Variants in ADGRL2 observed in about 807,000 individuals in gnomAD.
ADGRL2 encodes adhesion G protein-coupled receptor L2.
In ADGRL2, 44 loss-of-function variants were observed where a neutral mutation model predicts 157.4. That is an observed-to-expected ratio of 0.28 (90% CI 0.22 to 0.36). The LOEUF (loss-of-function observed/expected upper bound fraction) is 0.36, where lower values mean the gene tolerates loss of function less well. Among genes scored for constraint, ADGRL2 ranks in the 10% least tolerant of loss-of-function variants. ADGRL2 has a pLI of 1.00. For synonymous variants in ADGRL2, 585 were observed against 624.7 expected, an observed-to-expected ratio of 0.94 and a Z score of 0.95; for missense variants, 1,510 against 1,768.9, an observed-to-expected ratio of 0.85 and a Z score of 2.63.
intron 1 of ADGRL2, among the ~76,000 whole-genome samples, chr1:81,757,326 T>G (rs923972291): frequency 6.6e-6 from 1 of 152,184 alleles, no homozygotes; most frequent in Admixed American, 6.6e-5. Context: ...AAACTAAATA[T>G]GGCCTGAGAG....
At chr1:81,912,023 C>G (rs557914989) in intron 3 of ADGRL2, among the ~76,000 whole-genome samples, 1 of 151,956 alleles carries the variant, frequency 6.6e-6, no homozygotes, top group South Asian at 2.1e-4. Flanking sequence ...TAGCACCTGA[C>G]TAGAACCTCA....
At chr1:81,842,353 CTT>C (rs71085377) in intron 2 of ADGRL2, among the ~76,000 whole-genome samples, 10 of 54,952 alleles carry the variant, frequency 1.8e-4, no homozygotes, top group African/African-American at 6.2e-4. Context: ...TCTTTTAGCG[CTT>C]TTTTTTTTTT....
rs577164976 is a variant in ADGRL2, at chr1:81,620,806, A to G, written c.-143+39826A>G. Among the ~76,000 whole-genome samples, 28 of 152,344 alleles carry G rather than the reference A, an allele frequency of 1.8e-4. No homozygotes were observed. The South Asian group carries it at 5.8e-3, about 32-fold the overall frequency. On this transcript the variant is annotated intron_variant, in intron 3 of 24. Transcript: ENST00000370721. ...GTAATATAGATAAGAAGATTTTCAA[A>G]TGTATAAGTTCAGGGTAGGAAGAAA...
intron 2 of ADGRL2, among the ~76,000 whole-genome samples, chr1:81,538,947 G>A (rs917520222): frequency 2.1e-5 from 3 of 142,864 alleles, no homozygotes; most frequent in East Asian, 2.2e-4. Flanking sequence ...GGCGGAAGTT[G>A]TACTGAGGTG....
chr1:81,883,222 C>T (rs2094032859), intron 2 of ADGRL2, among the ~76,000 whole-genome samples: 1 of 152,130 alleles, frequency 6.6e-6, no homozygotes, highest in African/African-American at 2.4e-5. Flanking sequence ...TGTGACAGAA[C>T]ATAAGCAGAG....
At chr1:81,615,911 G>A (rs891984896) in intron 3 of ADGRL2, among the ~76,000 whole-genome samples, 4 of 152,134 alleles carry the variant, frequency 2.6e-5, no homozygotes. Context: ...CTCAGAGGGT[G>A]ATTCTATTAT....
chr1:81,576,598 G>C (rs2080802070), intron 2 of ADGRL2, among the ~76,000 whole-genome samples: 1 of 152,068 alleles, frequency 6.6e-6, no homozygotes, highest in Admixed American at 6.6e-5. Flanking sequence ...GTCTTTGCTA[G>C]GTGCCAAAAA....
chr1:81,413,725 A>G (rs962235732), intron 1 of ADGRL2, among the ~76,000 whole-genome samples: 11 of 152,304 alleles, frequency 7.2e-5, no homozygotes, highest in Admixed American at 1.3e-4. Context: ...AGTTTATTAG[A>G]TTTCCTTTTA....
At chr1:81,565,262 C>T (rs907653617) in intron 2 of ADGRL2, among the ~76,000 whole-genome samples, 2 of 152,086 alleles carry the variant, frequency 1.3e-5, no homozygotes, top group African/African-American at 4.8e-5. Flanking sequence ...ATTTTGTTAA[C>T]TAGAAAGTGC....
intron 3 of ADGRL2, among the ~76,000 whole-genome samples, chr1:81,928,993 T>G (rs745400265): frequency 2.0e-5 from 3 of 152,190 alleles, no homozygotes; most frequent in Non-Finnish European, 4.4e-5. Flanking sequence ...TGAAGCAATC[T>G]TCATCGAAGA....
chr1:81,725,180 G>C (rs1438051390), intron 1 of ADGRL2, among the ~76,000 whole-genome samples: 3 of 148,542 alleles, frequency 2.0e-5, no homozygotes, highest in Admixed American at 6.7e-5. Flanking sequence ...ACTCTAGTCT[G>C]GGCGAAAGGT....
intron 2 of ADGRL2, among the ~76,000 whole-genome samples, chr1:81,765,945 T>C (rs1390825132): frequency 6.6e-6 from 1 of 152,084 alleles, no homozygotes; most frequent in African/African-American, 2.4e-5. Context: ...GGCCAACAGG[T>C]TGATTACTTT....
chr1:81,822,313 G>T (rs1044778142), intron 1 of ADGRL2, among the ~76,000 whole-genome samples: 1 of 151,730 alleles, frequency 6.6e-6, no homozygotes, highest in Non-Finnish European at 1.5e-5. Flanking sequence ...TCAGAATATT[G>T]CTAGGGAAAT....
At chr1:81,888,741 T>C (rs1275074447) in intron 2 of ADGRL2, among the ~76,000 whole-genome samples, 1 of 152,124 alleles carries the variant, frequency 6.6e-6, no homozygotes, top group Non-Finnish European at 1.5e-5. Context: ...TGTGAACCAC[T>C]GCGCCCGGCC....
intron 3 of ADGRL2, among the ~76,000 whole-genome samples, chr1:81,679,407 G>GA (rs56271921): frequency 0.16 from 23,256 of 146,460 alleles, 2,066 homozygotes; most frequent in South Asian, 0.22. Flanking sequence ...ATGGTAGTAA[G>GA]AAAAAAAAAA....
At chr1:81,967,551 G>C (rs959050641) in intron 13 of ADGRL2, among the ~76,000 whole-genome samples, 2 of 152,028 alleles carry the variant, frequency 1.3e-5, no homozygotes, top group African/African-American at 2.4e-5. Flanking sequence ...GTGAGCCACC[G>C]CGCCCGGCCT....
chr1:81,619,943 A>T (rs1255783577), intron 3 of ADGRL2, among the ~76,000 whole-genome samples: 1 of 57,036 alleles, frequency 1.8e-5, no homozygotes, highest in Non-Finnish European at 3.4e-5. Context: ...CCATTTCTTT[A>T]AAAAAAAAGA....
At chr1:81,554,287 G>A (rs1021400033) in intron 2 of ADGRL2, among the ~76,000 whole-genome samples, 1 of 152,104 alleles carries the variant, frequency 6.6e-6, no homozygotes, top group Non-Finnish European at 1.5e-5. Context: ...ACCAAATATT[G>A]GCAGAGTGCC....
chr1:81,627,105 C>G (rs1055610290), intron 3 of ADGRL2, among the ~76,000 whole-genome samples: 1 of 151,652 alleles, frequency 6.6e-6, no homozygotes, highest in Non-Finnish European at 1.5e-5. Flanking sequence ...ATTATTATTA[C>G]TATTATTATT....
Sources: gnomAD v4.1 joint callset for allele counts (sites outside exome capture counted in the v4.1 genomes callset) on GRCh38, gnomAD v4.1.1 for gene constraint, MANE v1.5 for transcripts, NCBI Gene and HGNC (gene_info 2026-07-23, HGNC 2026-07-21) for gene names.